The following TSHR variants were observed in gnomAD, a reference collection of about 807,000 sequenced individuals.
TSHR encodes the protein thyrotropin receptor.
A neutral mutation model predicts 64.1 loss-of-function variants in TSHR; 51 were observed. The ratio of observed to expected loss-of-function variants is 0.80; its 90% CI spans 0.64 to 1.01. The LOEUF is 1.01. TSHR is among the 50% of genes least tolerant of loss of function. The pLI is 0.00. For synonymous variants in TSHR, 361 were observed against 361.9 expected, an observed-to-expected ratio of 1.00 and a Z score of 0.03; for missense variants, 877 against 942.8, an observed-to-expected ratio of 0.93 and a Z score of 0.91.
chr14:80,972,017 A>G (rs1013416318), intron 1 of TSHR, among the ~76,000 whole-genome samples: 1 of 152,204 alleles, frequency 6.6e-6, no homozygotes, highest in Non-Finnish European at 1.5e-5. Flanking sequence ...TGTGGTTACT[A>G]TACACAGTAC....
intron 1 of TSHR, among the ~76,000 whole-genome samples, chr14:81,027,739 A>G (rs1370482233): frequency 6.6e-6 from 1 of 152,240 alleles, no homozygotes; most frequent in African/African-American, 2.4e-5. Flanking sequence ...ATGATGAGCT[A>G]TGAGCATTAA....
intron 1 of TSHR, chr14:81,053,333 C>T (rs951329317): frequency 1.3e-5 from 2 of 152,152 alleles, no homozygotes; most frequent in African/African-American, 4.8e-5. Context: ...CAATCTCATC[C>T]AGAAACATCC....
At chr14:81,025,437 A>G (rs1883999296) in intron 1 of TSHR, among the ~76,000 whole-genome samples, 1 of 151,420 alleles carries the variant, frequency 6.6e-6, no homozygotes, top group Non-Finnish European at 1.5e-5. Flanking sequence ...TGGATAAATC[A>G]GTATAAATAT....
Position 81,053,359 on chromosome 14 carries a change from G to A in TSHR, c.171-8789G>A, listed in dbSNP as rs924990553. 4 of 152,154 alleles carry A rather than the reference G, an allele frequency of 2.6e-5. No individual in the cohort carries two copies. In the South Asian group the frequency reaches 6.2e-4, roughly 24 times the overall value. The allele number at this position is 152,154 out of a possible 1,614,324, so 9.4% of individuals were successfully genotyped here. A position where few individuals can be genotyped will look rare whatever the true frequency, so the allele number is the denominator to read the frequency against. On this transcript the variant is annotated intron_variant, in intron 1 of 9. Coordinates refer to ENST00000298171, the MANE Select transcript of TSHR (RefSeq NM_000369.5). The stretch of plus-strand genomic sequence containing the variant: ...AGAAACATCCTCACAGACACAACAC[G>A]AAATAATGTTTAAGCAAATATCTTC...
At chr14:81,040,125 C>T (rs1350690909) in intron 1 of TSHR, among the ~76,000 whole-genome samples, 1 of 151,950 alleles carries the variant, frequency 6.6e-6, no homozygotes, top group South Asian at 2.1e-4. Flanking sequence ...GACACATAGA[C>T]CAATGGAACA....
At chr14:80,975,878 G>T (rs1887840464) in intron 1 of TSHR, among the ~76,000 whole-genome samples, 1 of 151,544 alleles carries the variant, frequency 6.6e-6, no homozygotes, top group Non-Finnish European at 1.5e-5. Context: ...CTGGTTAGGT[G>T]TGCCAACTGC....
In TSHR at chr14:81,066,496, G is replaced by C. The variant is rs140468142; in HGVS notation, c.243-1758G>C. On this transcript the variant is annotated intron_variant, in intron 2 of 9. Transcript: ENST00000298171. ...GGGTAAATCAAAGGATAATTATTTA[G>C]AGAACAGGTAATTCAAAATAGAAAG... Among the ~76,000 whole-genome samples the C allele has an allele frequency of 4.5e-4, 69 of 152,266 alleles. 1 individual carries two copies. The East Asian group carries it at 0.01, about 23-fold the overall frequency.
At chr14:80,975,913 G>T (rs1193762226) in intron 1 of TSHR, among the ~76,000 whole-genome samples, 1 of 108,356 alleles carries the variant, frequency 9.2e-6, no homozygotes, top group Non-Finnish European at 2.0e-5. Context: ...AACAGCAAAT[G>T]CATTTTTTTT....
chr14:80,959,323 CTT>C (rs1566737132), intron 1 of TSHR: 1 of 152,108 alleles, frequency 6.6e-6, no homozygotes, highest in African/African-American at 2.4e-5. Flanking sequence ...TTTAAGGAAA[CTT>C]AAATGAAGCA....
chr14:80,978,855 T>C (rs1370703446), intron 1 of TSHR, among the ~76,000 whole-genome samples: 2 of 152,212 alleles, frequency 1.3e-5, no homozygotes, highest in African/African-American at 4.8e-5. Flanking sequence ...TAAATGATGC[T>C]GGATGGTTTT....
intron 6 of TSHR, among the ~76,000 whole-genome samples, chr14:81,095,922 C>A (rs1419573186): frequency 6.6e-6 from 1 of 151,930 alleles, no homozygotes; most frequent in East Asian, 1.9e-4. Context: ...TGCCTATAGT[C>A]CCAACTGTTT....
chr14:81,127,843 C>T (rs1479130464), intron 8 of TSHR, among the ~76,000 whole-genome samples: 6 of 152,178 alleles, frequency 3.9e-5, no homozygotes, highest in African/African-American at 1.2e-4. Flanking sequence ...TCCCCAGCCA[C>T]GTGGAACTGT....
chr14:81,140,166 T>C (rs1017977869), intron 9 of TSHR, among the ~76,000 whole-genome samples: 11 of 152,174 alleles, frequency 7.2e-5, no homozygotes, highest in African/African-American at 2.7e-4. Context: ...AGATATGATG[T>C]CCGGTTTCCA....
rs372955189 is a variant in TSHR at position 81,139,670 on chromosome 14, G to C, written c.693-9G>C. The stretch of plus-strand genomic sequence containing the variant: ...GCCTCTCTGCATTTTTCTGTTCTCT[G>C]CCTCCCAGGGACGTGTCTCAAACCA... On this transcript the variant is annotated splice_polypyrimidine_tract_variant and intron_variant, in intron 8 of 9. Transcript: ENST00000298171. The C allele has an allele frequency of 6.2e-7, 1 of 1,613,680 alleles. No individual in the cohort carries two copies. The highest frequency in any genetic ancestry group is 1.3e-5 in the African/African-American group (1 of 74,884).
intron 7 of TSHR, among the ~76,000 whole-genome samples, chr14:81,107,439 G>A (rs1157038559): frequency 6.6e-6 from 1 of 152,158 alleles, no homozygotes; most frequent in Non-Finnish European, 1.5e-5. Flanking sequence ...ATATATATAT[G>A]TGCTATGCTT....
chr14:81,002,781 C>CTTTTTTTTTTTTTTTTTTTTTTTTTT (rs1174635270), intron 1 of TSHR, among the ~76,000 whole-genome samples: 7 of 44,324 alleles, frequency 1.6e-4, no homozygotes, highest in Non-Finnish European at 2.4e-4. Context: ...CCTAATGCCT[C>CTTTTTTTTTTTTTTTTTTTTTTTTTT]TTTTTTTTTT....
intron 1 of TSHR, among the ~76,000 whole-genome samples, chr14:81,042,937 AC>A (rs1323077040): frequency 6.6e-6 from 1 of 152,116 alleles, no homozygotes; most frequent in Non-Finnish European, 1.5e-5. Flanking sequence ...TCAGTAAAAA[AC>A]AAAACAAACA....
Position 81,130,859 on chromosome 14 carries a change from C to T in TSHR, c.693-8820C>T, listed in dbSNP as rs1417440505. On this transcript the variant is annotated intron_variant, in intron 8 of 9. Transcript: ENST00000298171. Reference sequence around the variant, plus strand: ...ACAAAAAATTAGCCGGGCGCGGTGGCGGGTGCCTGTAGTCCCAGCTACTCG... The same window carrying T: ...ACAAAAAATTAGCCGGGCGCGGTGGTGGGTGCCTGTAGTCCCAGCTACTCG... 7.7e-5 allele frequency among the ~76,000 whole-genome samples: 10 copies of T among 129,130 alleles called. 1 individual carries two copies. The highest frequency in any genetic ancestry group is 2.2e-4 in the East Asian group (1 of 4,488). 84.7% of individuals were successfully genotyped at this position (129,130 alleles called of 152,430 possible).
At chr14:81,042,994 G>A (rs1327303251) in intron 1 of TSHR, among the ~76,000 whole-genome samples, 1 of 152,050 alleles carries the variant, frequency 6.6e-6, no homozygotes, top group African/African-American at 2.4e-5. Context: ...ATACTGAATG[G>A]GCAAAAGCTG....
Sources: allele counts gnomAD v4.1 joint callset (sites outside exome capture counted in the v4.1 genomes callset), GRCh38; gene constraint gnomAD v4.1.1; transcripts MANE v1.5; gene names NCBI Gene and HGNC (gene_info 2026-07-23, HGNC 2026-07-21).